COPG1: variants seen among roughly 807,000 people sequenced by gnomAD.
The protein encoded by COPG1 is coatomer subunit gamma-1.
In COPG1, 29 loss-of-function variants were observed where a neutral mutation model predicts 102.8. That is an observed-to-expected ratio of 0.28 (90% CI 0.21 to 0.38). The LOEUF is 0.38. Ranked by LOEUF, COPG1 falls within the 10% of genes least tolerant of loss-of-function variation. The pLI is 1.00. For missense variants in COPG1, 875 were observed against 1,132.7 expected (o/e 0.77, Z 3.27); for synonymous variants, 406 against 421.6 (o/e 0.96, Z 0.45).
chr3:129,272,969 C>T (rs1371039792), intron 21 of COPG1, 65 bp downstream of exon 21: 6 of 846,070 alleles, frequency 7.1e-6, no homozygotes, highest in African/African-American at 1.7e-5. Context: ...CCTTCAGGAA[C>T]TGACAGTGAG....
At chr3:129,273,263 A>AT (rs2107679639) in intron 21 of COPG1, among the ~76,000 whole-genome samples, 1 of 152,322 alleles carries the variant, frequency 6.6e-6, no homozygotes, top group African/African-American at 2.4e-5. Flanking sequence ...ACCTCAGGTG[A>AT]TCCACCTACC....
intron 15 of COPG1, among the ~76,000 whole-genome samples, chr3:129,267,633 C>T (rs1209679830): frequency 6.6e-6 from 1 of 151,992 alleles, no homozygotes; most frequent in East Asian, 1.9e-4. Context: ...AAAAAAATAG[C>T]TCTATTGAGA....
chr3:129,266,946 C>CGGTATTCTGGGT (rs1940072541), intron 14 of COPG1, 78 bp from the exon 15 acceptor site: 1 of 1,263,290 alleles, frequency 7.9e-7, no homozygotes, highest in African/African-American at 1.5e-5. Flanking sequence ...CCTGAAGACC[C>CGGTATTCTGGGT]ATTCTGAGTG....
chr3:129,264,678 C>G (rs1160564455), intron 13 of COPG1, among the ~76,000 whole-genome samples: 1 of 152,034 alleles, frequency 6.6e-6, no homozygotes, highest in African/African-American at 2.4e-5. Flanking sequence ...GAGATGGGGT[C>G]TTGCTGGGTT....
intron 13 of COPG1, 37 bp from the exon 14 acceptor site, chr3:129,265,512 G>C: frequency 6.2e-7 from 1 of 1,609,974 alleles, no homozygotes; most frequent in Non-Finnish European, 8.5e-7. Context: ...TTTCTGGAGA[G>C]AGCAGGCTCC....
chr3:129,271,808 C>T lies in COPG1; in HGVS notation c.1885C>T (p.Leu629Phe), dbSNP rs1054228191. The change falls in exon 19 of 24, where the codon CTC (leucine) becomes TTC (phenylalanine). Residue 629 changes from leucine (L) to phenylalanine (F), a missense_variant. By Grantham distance (22) the Leu-to-Phe change is conservative (BLOSUM62 0). Transcript: ENST00000314797. The surrounding 1 kb of genome is among the most constrained non-coding windows in gnomAD (Gnocchi z 4.7). The stretch of plus-strand genomic sequence containing the variant: ...GCCAGAGTTCCGCGGTCTTGGGCCC[C>T]TCTTCAAGTCCTCGCCTGAGCCCGT... ...AVPEFRGLGPLFKSSPEPVAL... is the reference protein window; with the variant it reads ...AVPEFRGLGPFFKSSPEPVAL... The T allele has an allele frequency of 6.2e-7, 1 of 1,614,116 alleles. No individual in the cohort carries two copies. The highest frequency in any genetic ancestry group is 1.3e-5 in the African/African-American group (1 of 74,938).
Position 129,257,767 on chromosome 3 carries a change from C to T in COPG1, c.778C>T (p.Arg260Cys), listed in dbSNP as rs1184037787. ...GTTTGACTTCATCGAGAGCTGCTTG[C>T]GCAACAAGCACGAGATGGTGGTGTA... ...PLFDFIESCLRNKHEMVVYEA... is the reference protein window; with the variant it reads ...PLFDFIESCLCNKHEMVVYEA... Residue 260 changes from arginine to cysteine, a missense_variant, in exon 10 of 24, where the codon CGC (arginine) becomes TGC (cysteine). Arg to Cys is a radical substitution (Grantham distance 180). Transcript: ENST00000314797. 6.2e-7 allele frequency: 1 copy of T among 1,614,130 alleles called. No individual in the cohort carries two copies. The highest frequency in any genetic ancestry group is 8.5e-7 in the Non-Finnish European group (1 of 1,180,010).
intron 2 of COPG1, 36 bp from the exon 3 acceptor site, chr3:129,252,245 G>T: frequency 1.4e-6 from 2 of 1,408,172 alleles, no homozygotes; most frequent in Non-Finnish European, 2.0e-6. Context: ...AAATGAACTA[G>T]GCTAGAAGGT....
At position 129,250,754 on chromosome 3, in the gene COPG1, C is replaced by T. The variant is rs368427024; in HGVS notation, c.90+20C>T. 1.9e-5 allele frequency: 31 copies of T among 1,605,428 alleles called. No individual in the cohort carries two copies. The highest frequency in any genetic ancestry group is 2.6e-5 in the Non-Finnish European group (30 of 1,172,250). On this transcript the variant is annotated intron_variant, in intron 2 of 23. Transcript: ENST00000314797. ...CAGGAGGCAAGTGACATTTGCTCCC[C>T]TCTAGCTTCCATCATAAATATTCAC...
intron 12 of COPG1, among the ~76,000 whole-genome samples, chr3:129,262,250 CA>C (rs372483047): frequency 0.096 from 13,876 of 143,884 alleles, 681 homozygotes; most frequent in Middle Eastern, 0.2. Flanking sequence ...CTCATCTCTA[CA>C]AATTTTTTTT....
Position 129,267,104 on chromosome 3 carries a change from G to T in COPG1, c.1544+5G>T. 1 of 1,613,082 alleles carries T rather than the reference G, an allele frequency of 6.2e-7. No homozygotes were observed. Among genetic ancestry groups the T allele is most frequent in the Non-Finnish European group, 8.5e-7 (1 of 1,179,236 alleles). ...TATCTTGGTGTTGCTGAAGAGGTGA[G>T]TCTAGGCCCAGGGGCCCTAATGGGG... On this transcript the variant is annotated splice_donor_5th_base_variant and intron_variant, in intron 15 of 23. Coordinates refer to ENST00000314797, the MANE Select transcript of COPG1 (RefSeq NM_016128.4).
At chr3:129,262,402 G>A (rs1011945214) in intron 12 of COPG1, among the ~76,000 whole-genome samples, 6 of 151,800 alleles carry the variant, frequency 4.0e-5, no homozygotes, top group Non-Finnish European at 7.4e-5. Flanking sequence ...AGAGGCACCC[G>A]CCACCATGCC....
rs759400182 is a variant in COPG1 at position 129,250,712 on chromosome 3, A to G, written c.68A>G (p.Glu23Gly). 1.2e-6 allele frequency: 2 copies of G among 1,613,888 alleles called. No individual in the cohort carries two copies. The highest frequency in any genetic ancestry group is 1.7e-6 in the Non-Finnish European group (2 of 1,179,970). ...GGGSNPFQHL[E>G]KSAVLQEARV... ...GGCTCCAACCCATTCCAGCACCTTG[A>G]GAAGAGTGCGGTACTCCAGGAGGCA... The change falls in exon 2 of 24, where the codon GAG (glutamate) becomes GGG (glycine). Residue 23 changes from glutamate (E) to glycine (G), a missense_variant. Coordinates refer to ENST00000314797, the MANE Select transcript of COPG1 (RefSeq NM_016128.4).
chr3:129,267,298 A>G (rs1395973568), intron 15 of COPG1, 199 bp downstream of exon 15: 1 of 454,054 alleles, frequency 2.2e-6, no homozygotes, highest in African/African-American at 2.0e-5. Context: ...ACAATTGGTA[A>G]CTTGAATTAT....
intron 12 of COPG1, 89 bp from the exon 13 acceptor site, chr3:129,263,815 C>T: frequency 9.0e-7 from 1 of 1,109,094 alleles, no homozygotes; most frequent in South Asian, 1.3e-5. Flanking sequence ...CTGGCCTTAC[C>T]TAAGGAAGGA....
rs1707374090 is a variant in COPG1 at position 129,260,661 on chromosome 3, G to A, written c.982G>A (p.Asp328Asn). Reference sequence around the variant, plus strand: ...GTCAGCTGTGACAGCTTGTAATCTGGATCTGGAGAACCTGGTCACAGATTC... The same window carrying A: ...GTCAGCTGTGACAGCTTGTAATCTGAATCTGGAGAACCTGGTCACAGATTC... ...HPSAVTACNLDLENLVTDSNR... is the reference protein window; with the variant it reads ...HPSAVTACNLNLENLVTDSNR... The change falls in exon 12 of 24, where the codon GAT becomes AAT. Residue 328 changes from aspartate (D) to asparagine (N), a missense_variant. Transcript: ENST00000314797. 6.2e-7 allele frequency: 1 copy of A among 1,613,980 alleles called. No homozygotes were observed. The highest frequency in any genetic ancestry group is 1.3e-5 in the African/African-American group (1 of 74,916).
chr3:129,260,274 G>C (rs1414592241), intron 10 of COPG1, 59 bp from the exon 11 acceptor site: 88 of 1,516,582 alleles, frequency 5.8e-5, no homozygotes, highest in Non-Finnish European at 7.9e-5. Context: ...GTAGCCCCCG[G>C]TTTTCCCAGC....
rs189392950 is a variant in COPG1, at chr3:129,263,459, A to C, written c.1129-445A>C. Among the ~76,000 whole-genome samples the C allele has an allele frequency of 2.1e-3, 315 of 152,248 alleles. 1 individual carries two copies. The highest frequency in any genetic ancestry group is 7.3e-3 in the African/African-American group (303 of 41,544). On this transcript the variant is annotated intron_variant, in intron 12 of 23. Transcript: ENST00000314797. ...TCAGTGGCATATAAGAGGCGGTTAAAGCCATGGGAGGGGATAAGATTGCTG... is the reference window on the plus strand; with the variant it reads ...TCAGTGGCATATAAGAGGCGGTTAACGCCATGGGAGGGGATAAGATTGCTG...
intron 2 of COPG1, among the ~76,000 whole-genome samples, chr3:129,251,061 C>T (rs1424629050): frequency 2.0e-5 from 3 of 150,866 alleles, no homozygotes; most frequent in Admixed American, 2.0e-4. Context: ...GTAGCTGGGA[C>T]TACAGACGCC....
Sources: gnomAD v4.1 joint callset for allele counts (sites outside exome capture counted in the v4.1 genomes callset) on GRCh38, gnomAD v4.1.1 for gene constraint, Gnocchi (gnomAD v3.1) non-coding constraint, MANE v1.5 for transcripts, NCBI Gene and HGNC (gene_info 2026-07-23, HGNC 2026-07-21) for gene names.